CCDC144A: variants seen among roughly 807,000 people sequenced by gnomAD.
CCDC144A encodes the protein coiled-coil domain-containing protein 144A.
In CCDC144A, 41 loss-of-function variants were observed where a neutral mutation model predicts 143.8. The observed-to-expected ratio is 0.29, with a 90% CI of 0.22 to 0.37. The LOEUF (loss-of-function observed/expected upper bound fraction) is 0.37, where lower values mean the gene tolerates loss of function less well. CCDC144A is among the 10% of genes least tolerant of loss of function. The pLI is 1.00. For synonymous variants in CCDC144A, 242 were observed against 517.9 expected, an observed-to-expected ratio of 0.47 and a Z score of 7.23; for missense variants, 637 against 1,488.8, an observed-to-expected ratio of 0.43 and a Z score of 9.41.
intron 2 of CCDC144A, among the ~76,000 whole-genome samples, chr17:16,699,320 A>G (rs968150747): frequency 6.7e-6 from 1 of 148,876 alleles, no homozygotes; most frequent in African/African-American, 2.5e-5. Context: ...CAGATAAGTT[A>G]AAAGTCCTGT....
At chr17:16,722,377 T>A (rs1020951220) in intron 8 of CCDC144A, among the ~76,000 whole-genome samples, 3 of 152,272 alleles carry the variant, frequency 2.0e-5, no homozygotes, top group Admixed American at 1.3e-4. Context: ...TAGAGTAGTT[T>A]TAGCTTCACA....
chr17:16,737,466 A>T (rs1186928552), intron 12 of CCDC144A: 1 of 1,264,948 alleles, frequency 7.9e-7, no homozygotes, highest in South Asian at 1.3e-5. Flanking sequence ...GCGCCCGGCC[A>T]GAGTTAAATC....
the CCDC144A span, among the ~76,000 whole-genome samples, chr17:16,679,068 T>G: frequency 2.8e-5 from 4 of 141,364 alleles, no homozygotes; most frequent in African/African-American, 1.1e-4. Context: ...CTTTTTTTGT[T>G]GTTGTTTTTG....
chr17:16,761,876 G>A (rs931305582), intron 13 of CCDC144A, among the ~76,000 whole-genome samples, 158 bp downstream of exon 13: 32 of 152,252 alleles, frequency 2.1e-4, no homozygotes, highest in African/African-American at 5.5e-4. Context: ...AAATATTTTC[G>A]TTTCCATCAT....
At chr17:16,716,379 T>G (rs1019710703) in intron 6 of CCDC144A, among the ~76,000 whole-genome samples, 9 of 152,218 alleles carry the variant, frequency 5.9e-5, no homozygotes, top group Non-Finnish European at 1.2e-4. Context: ...TTTTTATTCC[T>G]TAATCTTTTT....
At chr17:16,772,929 AG>A (rs1352823950) in intron 16 of CCDC144A, among the ~76,000 whole-genome samples, 2 of 152,250 alleles carry the variant, frequency 1.3e-5, no homozygotes, top group African/African-American at 4.8e-5. Context: ...GGCATAGTCT[AG>A]TACCTTAGCA....
At chr17:16,667,196 GC>G in the CCDC144A span, 1 of 205,736 alleles carries the variant, frequency 4.9e-6, no homozygotes, top group Non-Finnish European at 9.9e-6. Flanking sequence ...CCCTAAGGCA[GC>G]CGGGCGGGTG....
chr17:16,746,460 C>G, intron 12 of CCDC144A: 1 of 1,613,298 alleles, frequency 6.2e-7, no homozygotes, highest in Non-Finnish European at 8.5e-7. Flanking sequence ...GTCTTCGCCT[C>G]CATCTCCCCC....
chr17:16,739,496 A>G (rs1199717689), intron 12 of CCDC144A, among the ~76,000 whole-genome samples: 1 of 151,812 alleles, frequency 6.6e-6, no homozygotes, highest in African/African-American at 2.4e-5. Context: ...TTTGTTTTGC[A>G]GTCACAAAGA....
At chr17:16,675,184 G>A in the CCDC144A span, among the ~76,000 whole-genome samples, 4 of 151,000 alleles carry the variant, frequency 2.6e-5, no homozygotes, top group African/African-American at 7.3e-5. Context: ...CAAGAGAAGC[G>A]CCTGAACCTG....
chr17:16,685,473 T>A (rs1320524863), upstream of CCDC144A, among the ~76,000 whole-genome samples: 1 of 151,896 alleles, frequency 6.6e-6, no homozygotes, highest in Non-Finnish European at 1.5e-5. Context: ...CTCCGCCTCC[T>A]GGGTTCAAGT....
At chr17:16,700,209 A>G (rs1401701191) in intron 2 of CCDC144A, among the ~76,000 whole-genome samples, 1 of 152,348 alleles carries the variant, frequency 6.6e-6, no homozygotes, top group Non-Finnish European at 1.5e-5. Flanking sequence ...GAAGCCAGGC[A>G]CAAGCTACAG....
At chr17:16,688,290 C>G (rs537577865), upstream of CCDC144A, among the ~76,000 whole-genome samples, 3,442 of 151,706 alleles carry the variant, frequency 0.023, 127 homozygotes, top group African/African-American at 0.079. Context: ...GTGCAGCTTT[C>G]TTGCTCAGGC....
chr17:16,768,683 C>T (rs1915706323), intron 15 of CCDC144A, among the ~76,000 whole-genome samples: 1 of 152,124 alleles, frequency 6.6e-6, no homozygotes, highest in Non-Finnish European at 1.5e-5. Context: ...TATTTTCCAG[C>T]CTGTAATCTC....
At chr17:16,671,825 A>G in the CCDC144A span, among the ~76,000 whole-genome samples, 9 of 152,150 alleles carry the variant, frequency 5.9e-5, no homozygotes, top group Non-Finnish European at 1.0e-4. Context: ...ACAGGCTGAA[A>G]CAAACAAGAA....
chr17:16,692,104 A>T (rs1307198505), intron 1 of CCDC144A, among the ~76,000 whole-genome samples: 1 of 152,162 alleles, frequency 6.6e-6, no homozygotes, highest in African/African-American at 2.4e-5. Context: ...CAGAAATGAG[A>T]GAATGTCAAC....
At chr17:16,698,517 T>A (rs1911545348) in intron 2 of CCDC144A, among the ~76,000 whole-genome samples, 1 of 152,184 alleles carries the variant, frequency 6.6e-6, no homozygotes, top group South Asian at 2.1e-4. Context: ...CTGTACAGGA[T>A]CAGGGAAAAT....
intron 8 of CCDC144A, among the ~76,000 whole-genome samples, chr17:16,725,223 T>G (rs1343809413): frequency 6.6e-6 from 1 of 151,654 alleles, no homozygotes; most frequent in Non-Finnish European, 1.5e-5. Flanking sequence ...GCCTTTTAAT[T>G]GAGACTTTTA....
chr17:16,748,982 AT>A (rs1040687341), intron 12 of CCDC144A, among the ~76,000 whole-genome samples: 1 of 151,572 alleles, frequency 6.6e-6, no homozygotes, highest in African/African-American at 2.4e-5. Context: ...TTATTTATTT[AT>A]TTATTTATTT....
Sources: gnomAD v4.1 joint callset for allele counts (sites outside exome capture counted in the v4.1 genomes callset) on GRCh38, gnomAD v4.1.1 for gene constraint, MANE v1.5 for transcripts, NCBI Gene and HGNC (gene_info 2026-07-23, HGNC 2026-07-21) for gene names.